Variants in SPCS3 observed in about 807,000 individuals in gnomAD.
The protein encoded by SPCS3 is signal peptidase complex subunit 3, also known as SPase 22 kDa subunit.
In SPCS3, 9 loss-of-function variants were observed where a neutral mutation model predicts 17.2. That is an observed-to-expected ratio of 0.52 (90% CI 0.31 to 0.91). SPCS3 has a LOEUF of 0.91. SPCS3 is among the 40% of genes least tolerant of loss of function. The pLI is 0.04. For missense variants in SPCS3, 139 were observed against 217.5 expected (o/e 0.64, Z 2.27); for synonymous variants, 87 against 89.6 (o/e 0.97, Z 0.16).
At chr4:176,328,159 G>T (rs372239506) in intron 4 of SPCS3, 39 bp from the exon 5 acceptor site, 14 of 1,599,280 alleles carry the variant, frequency 8.8e-6, no homozygotes, top group African/African-American at 1.4e-5. Context: ...TGAACTACTA[G>T]TGTCTCTGAT....
chr4:176,323,621 T>C (rs1035077178), intron 2 of SPCS3, among the ~76,000 whole-genome samples: 3 of 152,208 alleles, frequency 2.0e-5, no homozygotes, highest in Non-Finnish European at 2.9e-5. Context: ...GGTGAAGTTC[T>C]TGTCCTCTTT....
intron 3 of SPCS3, among the ~76,000 whole-genome samples, chr4:176,324,723 G>A (rs1042718927): frequency 1.1e-4 from 17 of 152,168 alleles, no homozygotes; most frequent in Non-Finnish European, 1.8e-4. Flanking sequence ...TAAAATTTTA[G>A]CCAATCCTTT....
In SPCS3 at chr4:176,328,518, A is replaced by T. The variant is rs1379427804; in HGVS notation, c.*188A>T. The T allele has an allele frequency of 8.5e-6, 3 of 353,446 alleles. No individual in the cohort carries two copies. The highest frequency in any genetic ancestry group is 6.5e-5 in the African/African-American group (3 of 45,900). 21.9% of individuals were successfully genotyped at this position (353,446 alleles called of 1,614,324 possible). A position where few individuals can be genotyped will look rare whatever the true frequency, so the allele number is the denominator to read the frequency against. ...AAAGGTTAATGGGCTACTTAATATT[A>T]TGAACAAAACAAAAAAACAAGGCTG... On this transcript the variant is annotated 3_prime_UTR_variant, in exon 5 of 5. Coordinates refer to ENST00000503362, the MANE Select transcript of SPCS3 (RefSeq NM_021928.4).
At chr4:176,320,257 C>T (rs773387602) in intron 1 of SPCS3, 38 bp downstream of exon 1, 11 of 1,481,256 alleles carry the variant, frequency 7.4e-6, no homozygotes, top group African/African-American at 4.4e-5. Context: ...GACGCCGGGA[C>T]CGGGCTGGGG....
Position 176,319,989 on chromosome 4 carries a change from G to A in SPCS3, c.-88G>A, listed in dbSNP as rs1731511497. 2.2e-6 allele frequency: 3 copies of A among 1,363,518 alleles called. No homozygotes were observed. The Admixed American group carries it at 9.0e-5, about 41-fold the overall frequency. The allele number at this position is 1,363,518 out of a possible 1,614,324, so 84.5% of individuals were successfully genotyped here. On this transcript the variant is annotated 5_prime_UTR_variant, in exon 1 of 5. Transcript: ENST00000503362. ...GCGCTCCCGGAACGCGCGCACCGCA[G>A]ACGGCGCGGATCGCAGGGAGCCGGT...
rs1232351256 is a variant in SPCS3 at position 176,330,838 on chromosome 4, AATT to A, written c.*2511_*2513del. ...AATTTGAAGACACTTATTTAAAAGT[AATT>A]ATGGTTAGAAATGAATTAATTTAAA... On this transcript the variant is annotated 3_prime_UTR_variant, in exon 5 of 5. Coordinates refer to ENST00000503362, the MANE Select transcript of SPCS3 (RefSeq NM_021928.4). 6.6e-6 allele frequency: 1 copy of A among 152,230 alleles called. No homozygotes were observed. The highest frequency in any genetic ancestry group is 1.9e-4 in the East Asian group (1 of 5,206). 9.4% of individuals were successfully genotyped at this position (152,230 alleles called of 1,614,324 possible).
chr4:176,328,388 C>T lies in SPCS3; in HGVS notation c.*58C>T. 6.2e-6 allele frequency: 8 copies of T among 1,288,156 alleles called. No homozygotes were observed. The highest frequency in any genetic ancestry group is 2.9e-5 in the Admixed American group (1 of 35,062). 79.8% of individuals were successfully genotyped at this position (1,288,156 alleles called of 1,614,324 possible). A position where few individuals can be genotyped will look rare whatever the true frequency, so the allele number is the denominator to read the frequency against. ...ACTTAATGAATTGTATCTCATTAAT[C>T]TCTTCCCTTACATCTTCATGTATTG... is the stretch of plus-strand genomic sequence containing the variant. On this transcript the variant is annotated 3_prime_UTR_variant, in exon 5 of 5. Transcript: ENST00000503362.
At chr4:176,324,864 T>C (rs550349279) in intron 3 of SPCS3, among the ~76,000 whole-genome samples, 74 of 152,230 alleles carry the variant, frequency 4.9e-4, no homozygotes, top group African/African-American at 1.6e-3. Context: ...TCTGAGCTGC[T>C]GTGTCACACT....
Position 176,327,291 on chromosome 4 carries a change from G to T in SPCS3, c.410+14G>T, listed in dbSNP as rs766007710. ...AAATGGTCTCAAGTGAGCAATTCTT[G>T]GTCATTTTTTTACATTTAATAAGAG... On this transcript the variant is annotated intron_variant, in intron 4 of 4. Coordinates refer to ENST00000503362, the MANE Select transcript of SPCS3 (RefSeq NM_021928.4). The T allele has an allele frequency of 6.9e-7, 1 of 1,447,294 alleles. No homozygotes were observed. Among genetic ancestry groups the T allele is most frequent in the Non-Finnish European group, 9.3e-7 (1 of 1,076,826 alleles). The allele number at this position is 1,447,294 out of a possible 1,614,324, so 89.7% of individuals were successfully genotyped here. A position where few individuals can be genotyped will look rare whatever the true frequency, so the allele number is the denominator to read the frequency against.
intron 2 of SPCS3, 145 bp downstream of exon 2, chr4:176,322,388 T>TTAA (rs1731549831): frequency 1.8e-6 from 1 of 552,038 alleles, no homozygotes; most frequent in African/African-American, 1.9e-5. Flanking sequence ...TAAAATAATG[T>TTAA]TAATACCTCC....
chr4:176,327,273 C>A lies in SPCS3; in HGVS notation c.406C>A (p.Leu136Ile). Residue 136 changes from leucine to isoleucine, a missense_variant, in exon 4 of 5, where the codon CTC (leucine) becomes ATC (isoleucine). By Grantham distance (5) the Leu-to-Ile change is conservative. Transcript: ENST00000503362. ...TTTTTTCTTTGACGATGGAAATGGT[C>A]TCAAGTGAGCAATTCTTGGTCATTT... ...KYFFFDDGNG[L>I]KGNRNVTLTL... 2 of 1,530,486 alleles carry A rather than the reference C, an allele frequency of 1.3e-6. No homozygotes were observed. The highest frequency in any genetic ancestry group is 1.3e-5 in the South Asian group (1 of 79,166). 94.8% of individuals were successfully genotyped at this position (1,530,486 alleles called of 1,614,324 possible).
chr4:176,323,309 G>C (rs1382262370), intron 2 of SPCS3, among the ~76,000 whole-genome samples: 1 of 152,018 alleles, frequency 6.6e-6, no homozygotes, highest in Admixed American at 6.5e-5. Flanking sequence ...AAATTTCCTG[G>C]TATCTATGGT....
rs539105659 is a variant in SPCS3 at position 176,329,987 on chromosome 4, T to A, written c.*1657T>A. 2 of 152,302 alleles carry A rather than the reference T, an allele frequency of 1.3e-5. No homozygotes were observed. The highest frequency in any genetic ancestry group is 6.5e-5 in the Admixed American group (1 of 15,298). The allele number at this position is 152,302 out of a possible 1,614,324, so 9.4% of individuals were successfully genotyped here. A position where few individuals can be genotyped will look rare whatever the true frequency, so the allele number is the denominator to read the frequency against. ...AGCAGAAAGGTCAAAGGTACCTGAATGCTAAACTGCCTGGCTCCCAGCTTT... is the reference window on the plus strand; with the variant it reads ...AGCAGAAAGGTCAAAGGTACCTGAAAGCTAAACTGCCTGGCTCCCAGCTTT... On this transcript the variant is annotated 3_prime_UTR_variant, in exon 5 of 5. Transcript: ENST00000503362.
chr4:176,325,350 G>A (rs1334725093), intron 3 of SPCS3, among the ~76,000 whole-genome samples: 3 of 151,820 alleles, frequency 2.0e-5, no homozygotes, highest in Non-Finnish European at 1.5e-5. Context: ...CACCGCGCCC[G>A]GCCGTTGTTT....
Position 176,331,064 on chromosome 4 carries a change from G to A in SPCS3, c.*2734G>A, listed in dbSNP as rs185337399. 6.6e-6 allele frequency: 1 copy of A among 152,152 alleles called. No individual in the cohort carries two copies. The highest frequency in any genetic ancestry group is 2.4e-5 in the African/African-American group (1 of 41,514). The allele number at this position is 152,152 out of a possible 1,614,324, so 9.4% of individuals were successfully genotyped here. A position where few individuals can be genotyped will look rare whatever the true frequency, so the allele number is the denominator to read the frequency against. On this transcript the variant is annotated 3_prime_UTR_variant, in exon 5 of 5. Coordinates refer to ENST00000503362, the MANE Select transcript of SPCS3 (RefSeq NM_021928.4). ...CCTGGAATTATTTTACAGTTCTTTG[G>A]TGGGTCTCGTCAGCCAATTCATAGC...
rs1203029767 is a variant in SPCS3 at position 176,327,177 on chromosome 4, G to T, written c.310G>T (p.Val104Phe). 6.3e-7 allele frequency: 1 copy of T among 1,583,160 alleles called. No homozygotes were observed. The highest frequency in any genetic ancestry group is 8.6e-7 in the Non-Finnish European group (1 of 1,166,792). ...TTTAATATAGGCTCTGAACCAAGTT[G>T]TCCTATGGGACAAGATTGTTTTGAG... is the stretch of plus-strand genomic sequence containing the variant. ...STKNNALNQV[V>F]LWDKIVLRGD... is the part of the protein sequence containing the mutation. The change falls in exon 4 of 5, where the codon GTC (valine) becomes TTC (phenylalanine). Residue 104 changes from valine to phenylalanine, a missense_variant. By Grantham distance (50) the Val-to-Phe change is conservative (BLOSUM62 -1). Coordinates refer to ENST00000503362, the MANE Select transcript of SPCS3 (RefSeq NM_021928.4).
At position 176,320,044 on chromosome 4, in the gene SPCS3, G is replaced by C; in HGVS notation, c.-33G>C. Reference sequence around the variant, plus strand: ...CGCCGGAACGGGAGCCTGGGTGTGCGTGTGGAGTCCGGACTCGTGGGAGAC... The same window carrying C: ...CGCCGGAACGGGAGCCTGGGTGTGCCTGTGGAGTCCGGACTCGTGGGAGAC... On this transcript the variant is annotated 5_prime_UTR_variant, in exon 1 of 5. Coordinates refer to ENST00000503362, the MANE Select transcript of SPCS3 (RefSeq NM_021928.4). 1.3e-6 allele frequency: 2 copies of C among 1,505,398 alleles called. No individual in the cohort carries two copies. The highest frequency in any genetic ancestry group is 1.8e-6 in the Non-Finnish European group (2 of 1,117,788). The allele number at this position is 1,505,398 out of a possible 1,614,324, so 93.3% of individuals were successfully genotyped here. A position where few individuals can be genotyped will look rare whatever the true frequency, so the allele number is the denominator to read the frequency against.
In SPCS3 at chr4:176,320,036, G is replaced by T. The variant is rs1731513138; in HGVS notation, c.-41G>T. ...CGGTCCGCCGCCGGAACGGGAGCCTGGGTGTGCGTGTGGAGTCCGGACTCG... is the reference window on the plus strand; with the variant it reads ...CGGTCCGCCGCCGGAACGGGAGCCTTGGTGTGCGTGTGGAGTCCGGACTCG... On this transcript the variant is annotated 5_prime_UTR_variant, in exon 1 of 5. Coordinates refer to ENST00000503362, the MANE Select transcript of SPCS3 (RefSeq NM_021928.4). 4.7e-6 allele frequency: 7 copies of T among 1,483,274 alleles called. No homozygotes were observed. Among genetic ancestry groups the T allele is most frequent in the Non-Finnish European group, 6.3e-6 (7 of 1,103,638 alleles). The allele number at this position is 1,483,274 out of a possible 1,614,324, so 91.9% of individuals were successfully genotyped here.
intron 3 of SPCS3, 60 bp downstream of exon 3, chr4:176,324,317 G>T: frequency 2.6e-6 from 2 of 774,692 alleles, no homozygotes; most frequent in Non-Finnish European, 3.6e-6. Context: ...CTTTACGAAA[G>T]AATACACATT....
Sources: gnomAD v4.1 joint callset for allele counts (sites outside exome capture counted in the v4.1 genomes callset) on GRCh38, gnomAD v4.1.1 for gene constraint, MANE v1.5 for transcripts, NCBI Gene and HGNC (gene_info 2026-07-23, HGNC 2026-07-21) for gene names.